ADGRG4: variants seen among roughly 807,000 people sequenced by gnomAD.
ADGRG4 encodes adhesion G protein-coupled receptor G4.
In ADGRG4, 122 loss-of-function variants were observed where a neutral mutation model predicts 126.2. The observed-to-expected ratio is 0.97, with a 90% confidence interval of 0.83 to 1.12. The LOEUF (loss-of-function observed/expected upper bound fraction) is 1.12. Among genes scored for constraint, ADGRG4 ranks in the 50% most tolerant of loss-of-function variants. ADGRG4 has a pLI of 0.00. For missense variants in ADGRG4, 2,481 were observed against 2,251.8 expected, an observed-to-expected ratio of 1.10 and a Z score of -2.06; for synonymous variants, 943 against 838.7, an observed-to-expected ratio of 1.12 and a Z score of -2.15.
chrX:136,327,981 G>A (rs964691056), intron 5 of ADGRG4, among the ~76,000 whole-genome samples: 3 of 110,838 alleles, frequency 2.7e-5, no homozygotes, highest in Non-Finnish European at 5.7e-5. Context: ...ATCCCCAAAA[G>A]CAATGATTGT....
At chrX:136,409,481 T>C (rs1243010264) in intron 23 of ADGRG4, among the ~76,000 whole-genome samples, 6 of 111,733 alleles carry the variant, frequency 5.4e-5, no homozygotes, top group African/African-American at 2.0e-4. Flanking sequence ...CTGTCACCCC[T>C]TGTACATGCT....
chrX:136,354,480 C>T (rs939947828), intron 8 of ADGRG4, among the ~76,000 whole-genome samples: 1 of 111,529 alleles, frequency 9.0e-6, no homozygotes, highest in Admixed American at 9.5e-5. Context: ...GTCATACCAA[C>T]ACAACAATCA....
At position 136,380,343 on chromosome X, in the gene ADGRG4, C is replaced by T. The variant is rs908515572; in HGVS notation, c.7776+7279C>T. The stretch of plus-strand genomic sequence containing the variant: ...ATATTGGTAATTTCTTTTTTTGCTC[C>T]TTTATTTTTGATAGTATAGGGATTT... On this transcript the variant is annotated intron_variant, in intron 15 of 25. Coordinates refer to ENST00000394143, the MANE Select transcript of ADGRG4 (RefSeq NM_153834.4). Among the ~76,000 whole-genome samples the T allele has an allele frequency of 7.2e-5, 8 of 110,726 alleles. 1 individual carries two copies. The highest frequency in any genetic ancestry group is 1.3e-4 in the Non-Finnish European group (7 of 52,849).
In ADGRG4 at chrX:136,348,684, C is replaced by A; in HGVS notation, c.4978C>A (p.Pro1660Thr). The change falls in exon 6 of 26, where the codon CCC becomes ACC. Residue 1660 changes from proline (P) to threonine (T), a missense_variant. By Grantham distance (38) the Pro-to-Thr change is conservative. Coordinates refer to ENST00000394143, the MANE Select transcript of ADGRG4 (RefSeq NM_153834.4). ...AACTTTGCCCTTTGTAAAAACCGTT[C>A]CCACCACCATTATGGCTGGGATAGT... ...EPTLPFVKTV[P>T]TTIMAGIVTP... 8.3e-7 allele frequency: 1 copy of A among 1,210,364 alleles called. No individual in the cohort carries two copies.
At chrX:136,303,544 T>C (rs1349441295) in intron 1 of ADGRG4, among the ~76,000 whole-genome samples, 2 of 112,310 alleles carry the variant, frequency 1.8e-5, no homozygotes, top group Non-Finnish European at 3.8e-5. Flanking sequence ...GTAGTATCAT[T>C]ATGCAAAATA....
intron 6 of ADGRG4, 35 bp from the exon 7 acceptor site, chrX:136,351,412 A>G (rs769143542): frequency 2.4e-6 from 2 of 823,150 alleles, no homozygotes; most frequent in East Asian, 3.4e-5. Context: ...CTTGAACTAA[A>G]TGAATAAAAT....
In ADGRG4 at chrX:136,344,454, A is replaced by T. The variant is rs772620855; in HGVS notation, c.748A>T (p.Thr250Ser). The change falls in exon 6 of 26, where the codon ACC becomes TCC. Residue 250 changes from threonine to serine, a missense_variant. Thr to Ser is a moderately conservative substitution (Grantham distance 58). Coordinates refer to ENST00000394143, the MANE Select transcript of ADGRG4 (RefSeq NM_153834.4). The part of the protein sequence containing the change: ...STTVSQQIDM[T>S]TPSQITGVKP... ...AACTGTTTCACAACAGATAGATATG[A>T]CCACTCCATCCCAAATTACTGGAGT... 5 of 1,187,262 alleles carry T rather than the reference A, an allele frequency of 4.2e-6. No individual in the cohort carries two copies. Among genetic ancestry groups the T allele is most frequent in the Non-Finnish European group, 4.6e-6 (4 of 875,414 alleles).
chrX:136,414,515 A>T (rs2075466291), intron 25 of ADGRG4, among the ~76,000 whole-genome samples, 188 bp downstream of exon 25: 1 of 112,774 alleles, frequency 8.9e-6, no homozygotes, highest in Non-Finnish European at 1.9e-5. Context: ...AGAAGTGTGT[A>T]TAGGTGTTTC....
At chrX:136,356,834 C>CA (rs1213549733) in intron 9 of ADGRG4, among the ~76,000 whole-genome samples, 1 of 111,312 alleles carries the variant, frequency 9.0e-6, no homozygotes, top group Admixed American at 9.5e-5. Context: ...CCCATCTCTA[C>CA]AAAAAATAAT....
intron 18 of ADGRG4, 126 bp from the exon 19 acceptor site, chrX:136,395,264 C>T (rs145515727): frequency 7.1e-6 from 3 of 420,470 alleles, no homozygotes; most frequent in East Asian, 4.1e-5. Context: ...TCAATTATAC[C>T]CCTAATCTTG....
chrX:136,333,521 T>A (rs2074927375), intron 5 of ADGRG4, among the ~76,000 whole-genome samples: 1 of 111,789 alleles, frequency 8.9e-6, no homozygotes, highest in African/African-American at 3.3e-5. Flanking sequence ...TGTTTATTTA[T>A]TTATTTATTT....
chrX:136,318,274 C>T (rs1228506424), intron 4 of ADGRG4, among the ~76,000 whole-genome samples: 1 of 111,400 alleles, frequency 9.0e-6, no homozygotes, highest in Non-Finnish European at 1.9e-5. Flanking sequence ...TGAAAGAAGC[C>T]GACAAGAAAG....
chrX:136,391,735 C>T (rs1437117856), intron 16 of ADGRG4, among the ~76,000 whole-genome samples: 10 of 112,365 alleles, frequency 8.9e-5, no homozygotes, highest in African/African-American at 3.2e-4. Flanking sequence ...GATGACTGTC[C>T]TCTGAAATTT....
rs185408474 is a variant in ADGRG4, at chrX:136,366,340, C to T, written c.7396+2745C>T. On this transcript the variant is annotated intron_variant, in intron 13 of 25. Coordinates refer to ENST00000394143, the MANE Select transcript of ADGRG4 (RefSeq NM_153834.4). ...CACTTAGTTATGTGCATTTAAATTT[C>T]TTCCATGTGTCTTTTCATGGCTTGG... 4.1e-3 allele frequency among the ~76,000 whole-genome samples: 458 copies of T among 112,287 alleles called. 2 individuals carry two copies. The highest frequency in any genetic ancestry group is 0.011 in the South Asian group (30 of 2,698).
At chrX:136,373,413 A>G (rs1243125049) in intron 15 of ADGRG4, among the ~76,000 whole-genome samples, 1 of 111,938 alleles carries the variant, frequency 8.9e-6, no homozygotes, top group Non-Finnish European at 1.9e-5. Flanking sequence ...GCCCAAGAAC[A>G]CATAGCCTAA....
chrX:136,392,685 T>C (rs1025380930), intron 17 of ADGRG4, among the ~76,000 whole-genome samples: 1 of 112,215 alleles, frequency 8.9e-6, no homozygotes, highest in Non-Finnish European at 1.9e-5. Flanking sequence ...AATATTTGTA[T>C]TACTTGAATT....
At chrX:136,389,471 G>A (rs1327971306) in intron 16 of ADGRG4, among the ~76,000 whole-genome samples, 1 of 111,830 alleles carries the variant, frequency 8.9e-6, no homozygotes, top group Non-Finnish European at 1.9e-5. Context: ...TCTACTGGAA[G>A]AGATTAAAGA....
chrX:136,325,978 T>C (rs2074870279), intron 5 of ADGRG4, among the ~76,000 whole-genome samples: 1 of 112,125 alleles, frequency 8.9e-6, no homozygotes, highest in Admixed American at 9.4e-5. Context: ...CCCAGAGTGT[T>C]GGGATTACAG....
At position 136,345,360 on chromosome X, in the gene ADGRG4, A is replaced by G; in HGVS notation, c.1654A>G (p.Thr552Ala). 8.3e-7 allele frequency: 1 copy of G among 1,209,735 alleles called. No individual in the cohort carries two copies. Among genetic ancestry groups the G allele is most frequent in the Non-Finnish European group, 1.1e-6 (1 of 894,545 alleles). Residue 552 changes from threonine to alanine, a missense_variant, in exon 6 of 26, where the codon ACC becomes GCC. Physicochemically the swap from Thr to Ala is moderately conservative, Grantham distance 58. Coordinates refer to ENST00000394143, the MANE Select transcript of ADGRG4 (RefSeq NM_153834.4). Reference sequence around the variant, plus strand: ...CATGTCTACTTCCATGTCGAAAGAGACCTCCTCTAAGACCTTTTCTTTCTT... The same window carrying G: ...CATGTCTACTTCCATGTCGAAAGAGGCCTCCTCTAAGACCTTTTCTTTCTT... The part of the protein sequence containing the change: ...DAMSTSMSKE[T>A]SSKTFSFLTS...
Sources: allele counts gnomAD v4.1 joint callset (sites outside exome capture counted in the v4.1 genomes callset), GRCh38; gene constraint gnomAD v4.1.1; transcripts MANE v1.5; gene names NCBI Gene and HGNC (gene_info 2026-07-23, HGNC 2026-07-21).